The following PROZ variants were observed in gnomAD, a reference collection of about 807,000 sequenced individuals.
PROZ encodes protein Z, vitamin K dependent plasma glycoprotein, also known as vitamin K-dependent protein Z.
A neutral mutation model predicts 34.9 loss-of-function variants in PROZ; 46 were observed. That is an observed-to-expected ratio of 1.32 (90% CI 1.04 to 1.69). The LOEUF (loss-of-function observed/expected upper bound fraction) is 1.69, where lower values mean the gene tolerates loss of function less well. PROZ is among the 40% of genes most tolerant of loss of function. The probability of loss-of-function intolerance (pLI) is 0.00; values close to 1 mark genes in which losing one functional copy is unlikely to be tolerated. For synonymous variants in PROZ, 195 were observed against 208.5 expected (o/e 0.94, Z 0.56); for missense variants, 530 against 520.4 (o/e 1.02, Z -0.18).
chr13:113,158,790 T>A lies in PROZ; in HGVS notation c.70+60T>A. ...GCTGTGTCTTTCTTGACTCGGTCCA[T>A]GGTGGATTTGTAGATGAGGCTTTTT... On this transcript the variant is annotated intron_variant, in intron 1 of 7. Transcript: ENST00000375547. This position sits in a 1 kb window ranked among gnomAD's most constrained non-coding sequence, Gnocchi z 4.3. 6.7e-7 allele frequency: 1 copy of A among 1,500,546 alleles called. No individual in the cohort carries two copies. The highest frequency in any genetic ancestry group is 2.4e-5 in the East Asian group (1 of 41,016). The allele number at this position is 1,500,546 out of a possible 1,614,324, so 93.0% of individuals were successfully genotyped here.
At position 113,171,872 on chromosome 13, in the gene PROZ, G is replaced by C; in HGVS notation, c.970G>C (p.Gly324Arg). The change falls in exon 8 of 8, where the codon GGG (glycine) becomes CGG (arginine). Residue 324 changes from glycine to arginine, a missense_variant. By Grantham distance (125) the Gly-to-Arg change is moderately radical. Transcript: ENST00000375547. The surrounding 1 kb of genome is among the most constrained non-coding windows in gnomAD (Gnocchi z 5.1). ...LTTRPVTLVEGEECGQVLNVT... is the reference protein window; with the variant it reads ...LTTRPVTLVEREECGQVLNVT... ...CACGCGGCCTGTCACACTTGTGGAGGGGGAGGAGTGCGGGCAGGTCCTGAA... is the reference window on the plus strand; with the variant it reads ...CACGCGGCCTGTCACACTTGTGGAGCGGGAGGAGTGCGGGCAGGTCCTGAA... 1 of 1,613,706 alleles carries C rather than the reference G, an allele frequency of 6.2e-7. No homozygotes were observed. The highest frequency in any genetic ancestry group is 1.1e-5 in the South Asian group (1 of 91,086).
rs2036757543 is a variant in PROZ, at chr13:113,161,425, T to C, written c.259+453T>C. ...CTAGGTGGGCAACTGCAGAAGAGCA[T>C]GGGACAGAAGTAACACAGATGGAGA... On this transcript the variant is annotated intron_variant, in intron 3 of 7. Coordinates refer to ENST00000375547, the MANE Select transcript of PROZ (RefSeq NM_003891.3). Among the ~76,000 whole-genome samples, 3 of 151,864 alleles carry C rather than the reference T, an allele frequency of 2.0e-5. No individual in the cohort carries two copies. In the South Asian group the frequency reaches 6.3e-4, roughly 32 times the overall value.
At chr13:113,166,926 T>G (rs767227316) in intron 6 of PROZ, among the ~76,000 whole-genome samples, 3 of 152,200 alleles carry the variant, frequency 2.0e-5, no homozygotes, top group Non-Finnish European at 2.9e-5. Flanking sequence ...AAGAGCCATA[T>G]AACCAGGGAG....
rs7329178 is a variant in PROZ at position 113,161,621 on chromosome 13, C to T, written c.259+649C>T. ...CGGGACAGAGGGGACCGCGTGCGGA[C>T]GAAGAAAGGGCACCCAGCAGAGTGG... On this transcript the variant is annotated intron_variant, in intron 3 of 7. Coordinates refer to ENST00000375547, the MANE Select transcript of PROZ (RefSeq NM_003891.3). Among the ~76,000 whole-genome samples, 1,434 of 152,210 alleles carry T rather than the reference C, an allele frequency of 9.4e-3. 18 individuals carry two copies. Among genetic ancestry groups the T allele is most frequent in the African/African-American group, 0.033 (1,362 of 41,522 alleles).
Position 113,158,789 on chromosome 13 carries a change from A to G in PROZ, c.70+59A>G, listed in dbSNP as rs1566925744. 4.0e-6 allele frequency: 6 copies of G among 1,506,006 alleles called. No homozygotes were observed. The highest frequency in any genetic ancestry group is 2.4e-5 in the South Asian group (2 of 83,596). 93.3% of individuals were successfully genotyped at this position (1,506,006 alleles called of 1,614,324 possible). On this transcript the variant is annotated intron_variant, in intron 1 of 7. Coordinates refer to ENST00000375547, the MANE Select transcript of PROZ (RefSeq NM_003891.3). This position sits in a 1 kb window ranked among gnomAD's most constrained non-coding sequence, Gnocchi z 4.3. ...TGCTGTGTCTTTCTTGACTCGGTCC[A>G]TGGTGGATTTGTAGATGAGGCTTTT...
rs755623265 is a variant in PROZ, at chr13:113,171,830, C to G, written c.928C>G (p.Leu310Val). The change falls in exon 8 of 8, where the codon CTG becomes GTG. Residue 310 changes from leucine (L) to valine (V), a missense_variant. Transcript: ENST00000375547. This position sits in a 1 kb window ranked among gnomAD's most constrained non-coding sequence, Gnocchi z 5.1. The part of the protein sequence containing the change: ...LSGWARNGTD[L>V]GNSLTTRPVT... ...CGGCTGGGCACGCAATGGCACTGAC[C>G]TGGGCAACTCGCTGACCACGCGGCC... is the stretch of plus-strand genomic sequence containing the variant. 1.2e-6 allele frequency: 2 copies of G among 1,613,508 alleles called. No individual in the cohort carries two copies. The highest frequency in any genetic ancestry group is 3.3e-5 in the Admixed American group (2 of 60,004).
intron 4 of PROZ, 149 bp downstream of exon 4, chr13:113,163,271 C>T (rs778298252): frequency 1.4e-6 from 1 of 713,174 alleles, no homozygotes. Context: ...GGGGATTCCT[C>T]TCATCCCAAC....
At position 113,171,761 on chromosome 13, in the gene PROZ, T is replaced by G; in HGVS notation, c.859T>G (p.Phe287Val). 6.2e-7 allele frequency: 1 copy of G among 1,612,034 alleles called. No individual in the cohort carries two copies. Among genetic ancestry groups the G allele is most frequent in the East Asian group, 2.2e-5 (1 of 44,824 alleles). The change falls in exon 8 of 8, where the codon TTC becomes GTC. Residue 287 changes from phenylalanine to valine, a missense_variant. Phe to Val is a conservative substitution (Grantham distance 50). Transcript: ENST00000375547. This position sits in a 1 kb window ranked among gnomAD's most constrained non-coding sequence, Gnocchi z 5.1. ...GLPVCTPEKD[F>V]AEHLLIPRTR... Reference sequence around the variant, plus strand: ...CCCCGTGTGCACCCCTGAGAAAGACTTCGCTGAGCACCTCCTCATCCCACG... The same window carrying G: ...CCCCGTGTGCACCCCTGAGAAAGACGTCGCTGAGCACCTCCTCATCCCACG...
rs1270401271 is a variant in PROZ at position 113,159,867 on chromosome 13, C to T, written c.71-147C>T. The T allele has an allele frequency of 6.8e-6, 6 of 886,016 alleles. No individual in the cohort carries two copies. The highest frequency in any genetic ancestry group is 3.6e-5 in the Admixed American group (2 of 55,480). 54.9% of individuals were successfully genotyped at this position (886,016 alleles called of 1,614,324 possible). On this transcript the variant is annotated intron_variant, in intron 1 of 7. Transcript: ENST00000375547. The surrounding 1 kb of genome is among the most constrained non-coding windows in gnomAD (Gnocchi z 4.6). ...TTGCCTACCTCGGGGGAGGGAGTAG[C>T]GGGGTGGCCCTGAGGCCCTCGCAGG...
intron 6 of PROZ, 107 bp from the exon 7 acceptor site, chr13:113,170,306 T>TG (rs2037072479): frequency 2.0e-6 from 1 of 499,790 alleles, no homozygotes. Flanking sequence ...TGGCGGGGGG[T>TG]GGGGGTGGGG....
At chr13:113,160,871 C>A in intron 2 of PROZ, 77 bp from the exon 3 acceptor site, 1 of 1,305,148 alleles carries the variant, frequency 7.7e-7, no homozygotes, top group Non-Finnish European at 1.1e-6. Context: ...ATTTTCTTAC[C>A]TTCAAGTTCA....
In PROZ at chr13:113,159,302, G is replaced by A. The variant is rs2036719873; in HGVS notation, c.70+572G>A. The A allele has an allele frequency of 7.3e-6, 11 of 1,509,024 alleles. No individual in the cohort carries two copies. Among genetic ancestry groups the A allele is most frequent in the African/African-American group, 1.4e-5 (1 of 72,114 alleles). 93.5% of individuals were successfully genotyped at this position (1,509,024 alleles called of 1,614,324 possible). ...ACCCAGCATCCCCGCTGGCCCCATG[G>A]TCTCCCGCTGGCCCCATGGTCTCCC... On this transcript the variant is annotated intron_variant, in intron 1 of 7. Coordinates refer to ENST00000375547, the MANE Select transcript of PROZ (RefSeq NM_003891.3). This position sits in a 1 kb window ranked among gnomAD's most constrained non-coding sequence, Gnocchi z 4.6.
chr13:113,166,258 T>G (rs1343170260), intron 6 of PROZ: 1 of 152,248 alleles, frequency 6.6e-6, no homozygotes, highest in Admixed American at 6.5e-5. Context: ...GTGTCATTAT[T>G]TCCCCATGTA....
chr13:113,168,787 G>A (rs2037022771), intron 6 of PROZ, among the ~76,000 whole-genome samples: 1 of 152,012 alleles, frequency 6.6e-6, no homozygotes, highest in Non-Finnish European at 1.5e-5. Context: ...GGAGTGTAGT[G>A]GTGTGATCAT....
chr13:113,165,103 C>T lies in PROZ; in HGVS notation c.556C>T (p.Gln186Ter), dbSNP rs1357525220. The change falls in exon 6 of 8, where the codon CAG (glutamine) becomes TAG (stop). Residue 186 changes from glutamine to a stop codon, truncating the protein, a stop_gained. Coordinates refer to ENST00000375547, the MANE Select transcript of PROZ (RefSeq NM_003891.3). LOFTEE classifies it high-confidence loss of function. ...LTSEKRAPDL[Q>*]DLPWQVKLTN... is the part of the protein sequence containing the mutation. ...CTCTGAGAAGCGTGCACCGGATCTA[C>T]AGGACCTCCCGTGGCAGGTAACAGA... 7 of 1,612,182 alleles carry T rather than the reference C, an allele frequency of 4.3e-6. No individual in the cohort carries two copies. The highest frequency in any genetic ancestry group is 2.7e-5 in the African/African-American group (2 of 74,934).
rs781384423 is a variant in PROZ, at chr13:113,170,494, T to C, written c.655T>C (p.Cys219Arg). 6.2e-7 allele frequency: 1 copy of C among 1,603,432 alleles called. No homozygotes were observed. Among genetic ancestry groups the C allele is most frequent in the Non-Finnish European group, 8.5e-7 (1 of 1,170,384 alleles). The change falls in exon 7 of 8, where the codon TGT becomes CGT. Residue 219 changes from cysteine (C) to arginine (R), a missense_variant. By Grantham distance (180) the Cys-to-Arg change is radical. Coordinates refer to ENST00000375547, the MANE Select transcript of PROZ (RefSeq NM_003891.3). ...AAATTTTGTACTGACAACAGCAAAA[T>C]GTTCACTGTTACACAGGAATATTAC... ...RENFVLTTAK[C>R]SLLHRNITVK...
rs76645207 is a variant in PROZ, at chr13:113,167,342, A to G, written c.573+2222A>G. On this transcript the variant is annotated intron_variant, in intron 6 of 7. Coordinates refer to ENST00000375547, the MANE Select transcript of PROZ (RefSeq NM_003891.3). ...AGTGGCAGCTATTATTCATAAACAC[A>G]TGAAGAGTTCCAGGAACGACGCCAC... Among the ~76,000 whole-genome samples, 740 of 152,348 alleles carry G rather than the reference A, an allele frequency of 4.9e-3. 25 individuals are homozygous for G. In the East Asian group the frequency reaches 0.083, roughly 17 times the overall value.
intron 4 of PROZ, among the ~76,000 whole-genome samples, chr13:113,163,567 G>A (rs1037300379): frequency 2.6e-5 from 4 of 152,266 alleles, no homozygotes; most frequent in East Asian, 1.9e-4. Flanking sequence ...AGCGTGCTCC[G>A]CTCTCAGCAC....
chr13:113,161,005 T>C, intron 3 of PROZ, 33 bp downstream of exon 3: 1 of 1,592,112 alleles, frequency 6.3e-7, no homozygotes, highest in South Asian at 1.1e-5. Flanking sequence ...TCAGAAGTAT[T>C]AATTCCTCGG....
Sources: gnomAD v4.1 joint callset for allele counts (sites outside exome capture counted in the v4.1 genomes callset) on GRCh38, gnomAD v4.1.1 for gene constraint, Gnocchi (gnomAD v3.1) non-coding constraint, MANE v1.5 for transcripts, NCBI Gene and HGNC (gene_info 2026-07-23, HGNC 2026-07-21) for gene names.